Variants in CYP7B1 observed in about 807,000 individuals in gnomAD.
The protein encoded by CYP7B1 is cytochrome P450 7B1.
CYP7B1 carries 29 observed loss-of-function variants against 42.7 expected under a neutral mutation model. That is an observed-to-expected ratio of 0.68 (90% CI 0.51 to 0.93). The LOEUF (loss-of-function observed/expected upper bound fraction) is 0.93. Among genes scored for constraint, CYP7B1 ranks in the 40% least tolerant of loss-of-function variants. CYP7B1 has a pLI of 0.00. For missense variants in CYP7B1, 655 were observed against 600.5 expected, an observed-to-expected ratio of 1.09 and a Z score of -0.95; for synonymous variants, 235 against 218.2, an observed-to-expected ratio of 1.08 and a Z score of -0.68.
chr8:64,778,024 A>C (rs1804355717), intron 1 of CYP7B1, among the ~76,000 whole-genome samples: 1 of 151,774 alleles, frequency 6.6e-6, no homozygotes, highest in African/African-American at 2.4e-5. Context: ...CAAGTACATC[A>C]GAGTCATAAA....
At chr8:64,609,600 T>C (rs964447313) in intron 4 of CYP7B1, among the ~76,000 whole-genome samples, 6 of 152,338 alleles carry the variant, frequency 3.9e-5, no homozygotes, top group Admixed American at 3.3e-4. Context: ...AATGTGCCTC[T>C]TAAGACTTGG....
intron 1 of CYP7B1, among the ~76,000 whole-genome samples, chr8:64,733,198 A>G (rs1585883673): frequency 6.6e-6 from 1 of 152,340 alleles, no homozygotes; most frequent in African/African-American, 2.4e-5. Flanking sequence ...TCAGGGGCAC[A>G]GTAACCATGT....
Position 64,798,734 on chromosome 8 carries a change from T to C in CYP7B1, c.-147A>G, listed in dbSNP as rs1414606086. ...GGCCTGCCCGCAGCGCAGACAGGAATGTCACCGTGGTCTCCCAGGCTGAAT... is the reference window on the plus strand; with the variant it reads ...GGCCTGCCCGCAGCGCAGACAGGAACGTCACCGTGGTCTCCCAGGCTGAAT... On this transcript the variant is annotated 5_prime_UTR_variant, in exon 1 of 6. Transcript: ENST00000310193. 2 of 870,554 alleles carry C rather than the reference T, an allele frequency of 2.3e-6. No homozygotes were observed. Among genetic ancestry groups the C allele is most frequent in the Non-Finnish European group, 3.2e-6 (2 of 620,672 alleles). 53.9% of individuals were successfully genotyped at this position (870,554 alleles called of 1,614,324 possible). A position where few individuals can be genotyped will look rare whatever the true frequency, so the allele number is the denominator to read the frequency against.
At chr8:64,664,674 T>C (rs1806249094) in intron 1 of CYP7B1, among the ~76,000 whole-genome samples, 1 of 152,208 alleles carries the variant, frequency 6.6e-6, no homozygotes, top group African/African-American at 2.4e-5. Flanking sequence ...CCAAGTCTCA[T>C]GGACTTTCTC....
chr8:64,706,953 C>A (rs74591278), intron 1 of CYP7B1, among the ~76,000 whole-genome samples: 2,499 of 152,076 alleles, frequency 0.016, 28 homozygotes, highest in Middle Eastern at 0.027. Flanking sequence ...GCAGTCGTAA[C>A]AATTGAGCAA....
intron 1 of CYP7B1, among the ~76,000 whole-genome samples, chr8:64,689,075 A>G (rs1204487808): frequency 6.6e-6 from 1 of 152,208 alleles, no homozygotes; most frequent in Non-Finnish European, 1.5e-5. Flanking sequence ...TTTACTTTTA[A>G]AATTATTATT....
At chr8:64,615,364 CT>C in intron 3 of CYP7B1, 132 bp from the exon 4 acceptor site, 2 of 867,364 alleles carry the variant, frequency 2.3e-6, no homozygotes, top group Non-Finnish European at 3.6e-6. Flanking sequence ...AACCAATAGG[CT>C]TCTGAAGTCT....
intron 1 of CYP7B1, among the ~76,000 whole-genome samples, chr8:64,674,810 C>T (rs974094761): frequency 1.3e-5 from 2 of 151,968 alleles, no homozygotes; most frequent in Non-Finnish European, 1.5e-5. Flanking sequence ...GAGAATGGAG[C>T]GTTTCAGATG....
At chr8:64,709,147 G>T (rs1227830525) in intron 1 of CYP7B1, among the ~76,000 whole-genome samples, 1 of 152,188 alleles carries the variant, frequency 6.6e-6, no homozygotes, top group East Asian at 1.9e-4. Flanking sequence ...CTGGGAAGGG[G>T]TGTGTGCTCT....
intron 1 of CYP7B1, among the ~76,000 whole-genome samples, chr8:64,719,218 C>T (rs1399111422): frequency 4.6e-5 from 7 of 152,214 alleles, no homozygotes; most frequent in Non-Finnish European, 7.4e-5. Context: ...GTCTCTTTCT[C>T]CCCTCCGCAC....
Position 64,615,148 on chromosome 8 carries a change from G to T in CYP7B1, c.935C>A (p.Pro312Gln). 6.2e-7 allele frequency: 1 copy of T among 1,613,646 alleles called. No individual in the cohort carries two copies. Among genetic ancestry groups the T allele is most frequent in the East Asian group, 2.2e-5 (1 of 44,866 alleles). ...FWAMYYLLRH[P>Q]EAMAAVRDEI... is the part of the protein sequence containing the mutation. Reference sequence around the variant, plus strand: ...GTCACGCACTGCTGCCATAGCTTCTGGGTGCCGCAGAAGATAATACATTGC... The same window carrying T: ...GTCACGCACTGCTGCCATAGCTTCTTGGTGCCGCAGAAGATAATACATTGC... The change falls in exon 4 of 6, where the codon CCA becomes CAA. Residue 312 changes from proline to glutamine, a missense_variant. Physicochemically the swap from Pro to Gln is moderately conservative, Grantham distance 76. Coordinates refer to ENST00000310193, the MANE Select transcript of CYP7B1 (RefSeq NM_004820.5).
intron 1 of CYP7B1, among the ~76,000 whole-genome samples, chr8:64,736,273 G>A (rs1309525501): frequency 6.6e-6 from 1 of 152,024 alleles, no homozygotes; most frequent in East Asian, 1.9e-4. Context: ...TCAAATCATT[G>A]CAATCATCTG....
At chr8:64,660,390 G>C (rs1806184110) in intron 1 of CYP7B1, among the ~76,000 whole-genome samples, 1 of 152,174 alleles carries the variant, frequency 6.6e-6, no homozygotes, top group Non-Finnish European at 1.5e-5. Context: ...GAGTGATTCT[G>C]TTTCAAGGTC....
chr8:64,733,069 T>C (rs982044986), intron 1 of CYP7B1: 1 of 155,218 alleles, frequency 6.4e-6, no homozygotes, highest in Non-Finnish European at 1.4e-5. Flanking sequence ...TGTATAAGAG[T>C]CATATTTTTG....
chr8:64,735,119 T>G (rs1176344236), intron 1 of CYP7B1, among the ~76,000 whole-genome samples: 2 of 152,152 alleles, frequency 1.3e-5, no homozygotes, highest in African/African-American at 4.8e-5. Context: ...CTCTCTAAAC[T>G]TGTCTCAGTG....
intron 1 of CYP7B1, among the ~76,000 whole-genome samples, chr8:64,637,359 T>C (rs1165594991): frequency 6.6e-6 from 1 of 152,188 alleles, no homozygotes; most frequent in African/African-American, 2.4e-5. Flanking sequence ...GGATAAACTA[T>C]TAACATAGCA....
At chr8:64,677,658 A>G (rs1314968503) in intron 1 of CYP7B1, among the ~76,000 whole-genome samples, 1 of 151,016 alleles carries the variant, frequency 6.6e-6, no homozygotes, top group African/African-American at 2.4e-5. Context: ...AAATATTCCC[A>G]AAGGTAATGT....
chr8:64,742,775 C>T (rs1038779704), intron 1 of CYP7B1, among the ~76,000 whole-genome samples: 1 of 152,114 alleles, frequency 6.6e-6, no homozygotes, highest in Non-Finnish European at 1.5e-5. Context: ...ATTATGACAC[C>T]AGTCAGATTG....
intron 1 of CYP7B1, among the ~76,000 whole-genome samples, chr8:64,791,886 C>G (rs1804624351): frequency 6.6e-6 from 1 of 152,060 alleles, no homozygotes; most frequent in Admixed American, 6.5e-5. Context: ...TTTACTGGAA[C>G]AAATGGTTAG....
Sources: gnomAD v4.1 joint callset for allele counts (sites outside exome capture counted in the v4.1 genomes callset) on GRCh38, gnomAD v4.1.1 for gene constraint, MANE v1.5 for transcripts, NCBI Gene and HGNC (gene_info 2026-07-23, HGNC 2026-07-21) for gene names.